BBS9: variants seen among roughly 807,000 people sequenced by gnomAD.
BBS9 encodes the protein protein PTHB1.
A neutral mutation model predicts 117.7 loss-of-function variants in BBS9; 89 were observed. The observed-to-expected ratio is 0.76, with a 90% CI of 0.64 to 0.90. The LOEUF (loss-of-function observed/expected upper bound fraction) is 0.90. Ranked by LOEUF, BBS9 falls within the 40% of genes least tolerant of loss-of-function variation. The pLI is 0.00. For missense variants in BBS9, 982 were observed against 1,042.2 expected, an observed-to-expected ratio of 0.94 and a Z score of 0.80; for synonymous variants, 379 against 370.9, an observed-to-expected ratio of 1.02 and a Z score of -0.25.
chr7:33,282,789 T>TA (rs1236645564), intron 9 of BBS9, among the ~76,000 whole-genome samples: 2 of 152,244 alleles, frequency 1.3e-5, no homozygotes, highest in Middle Eastern at 3.2e-3. Flanking sequence ...TTTTAGTTTC[T>TA]AAAAGACTTC....
At chr7:33,405,205 A>G (rs966073790) in intron 19 of BBS9, among the ~76,000 whole-genome samples, 4 of 152,192 alleles carry the variant, frequency 2.6e-5, no homozygotes, top group Non-Finnish European at 5.9e-5. Context: ...CCACTTGATC[A>G]TGGTGGATAA....
At chr7:33,335,974 G>A (rs553000184) in intron 9 of BBS9, among the ~76,000 whole-genome samples, 6 of 152,224 alleles carry the variant, frequency 3.9e-5, no homozygotes, top group South Asian at 2.1e-4. Flanking sequence ...CATCAACTTC[G>A]TTGGTTTTCT....
At chr7:33,447,900 A>G (rs1358443789) in intron 19 of BBS9, among the ~76,000 whole-genome samples, 2 of 152,196 alleles carry the variant, frequency 1.3e-5, no homozygotes, top group African/African-American at 4.8e-5. Flanking sequence ...ATCTAATTTC[A>G]TTACTAGCAG....
intron 5 of BBS9, among the ~76,000 whole-genome samples, chr7:33,212,280 T>C (rs962062470): frequency 6.6e-6 from 1 of 152,230 alleles, no homozygotes; most frequent in African/African-American, 2.4e-5. Flanking sequence ...TTTGACCATG[T>C]ATTTTCAAAT....
intron 5 of BBS9, among the ~76,000 whole-genome samples, chr7:33,194,106 A>G (rs560813265): frequency 6.6e-6 from 1 of 152,262 alleles, no homozygotes; most frequent in Admixed American, 6.5e-5. Flanking sequence ...TGCAGAAAAA[A>G]TACCAAAATG....
At chr7:33,503,553 A>C (rs1254326052) in intron 19 of BBS9, among the ~76,000 whole-genome samples, 1 of 143,544 alleles carries the variant, frequency 7.0e-6, no homozygotes, top group Non-Finnish European at 1.5e-5. Context: ...TCCTATTACA[A>C]ACTCTTTGAA....
chr7:33,169,145 A>AT (rs199572752), intron 4 of BBS9, among the ~76,000 whole-genome samples: 29,559 of 150,968 alleles, frequency 0.2, 3,062 homozygotes, highest in Non-Finnish European at 0.23. Flanking sequence ...TGAACTCATC[A>AT]TTTTTTATGG....
At chr7:33,616,674 A>G (rs1365210781) in intron 21 of BBS9, among the ~76,000 whole-genome samples, 1 of 151,728 alleles carries the variant, frequency 6.6e-6, no homozygotes, top group Non-Finnish European at 1.5e-5. Flanking sequence ...GTTAATAGTC[A>G]CTTTGGGTTT....
At chr7:33,486,994 A>G (rs1189134829) in intron 19 of BBS9, among the ~76,000 whole-genome samples, 2 of 152,228 alleles carry the variant, frequency 1.3e-5, no homozygotes, top group African/African-American at 2.4e-5. Flanking sequence ...CGTAATTTGT[A>G]TGTGCTGAAC....
chr7:33,472,771 C>A (rs368111239), intron 19 of BBS9, among the ~76,000 whole-genome samples: 1 of 152,186 alleles, frequency 6.6e-6, no homozygotes, highest in Non-Finnish European at 1.5e-5. Flanking sequence ...GCATTACCCC[C>A]ACTCTCTCAA....
chr7:33,137,371 T>C (rs118093187), intron 1 of BBS9, among the ~76,000 whole-genome samples: 1,563 of 152,172 alleles, frequency 0.01, 64 homozygotes, highest in Admixed American at 0.061. Context: ...TGTGATTGGG[T>C]AGCTGCAGAT....
chr7:33,527,217 C>T (rs939183626), intron 20 of BBS9, among the ~76,000 whole-genome samples: 2 of 152,288 alleles, frequency 1.3e-5, no homozygotes, highest in African/African-American at 2.4e-5. Flanking sequence ...CTGTGCCCTG[C>T]CCCCAGAGGT....
chr7:33,324,921 T>C (rs1010960760), intron 9 of BBS9, among the ~76,000 whole-genome samples: 1 of 152,194 alleles, frequency 6.6e-6, no homozygotes, highest in Admixed American at 6.5e-5. Context: ...TATCCTTGCC[T>C]TTTGGAGTTT....
At chr7:33,150,701 G>A (rs1192030330) in intron 2 of BBS9, among the ~76,000 whole-genome samples, 1 of 152,134 alleles carries the variant, frequency 6.6e-6, no homozygotes, top group Non-Finnish European at 1.5e-5. Flanking sequence ...CCCAGACCCA[G>A]GGCTTGTATC....
At chr7:33,143,014 G>A (rs915061483) in intron 1 of BBS9, among the ~76,000 whole-genome samples, 1 of 151,768 alleles carries the variant, frequency 6.6e-6, no homozygotes, top group Non-Finnish European at 1.5e-5. Flanking sequence ...CTGTCGCCCA[G>A]GCAGGAGTGC....
intron 5 of BBS9, among the ~76,000 whole-genome samples, chr7:33,187,854 G>A (rs1382753368): frequency 3.3e-5 from 5 of 151,972 alleles, no homozygotes; most frequent in Non-Finnish European, 4.4e-5. Flanking sequence ...CCCAGGAGGC[G>A]GAGGTTGCAG....
intron 5 of BBS9, among the ~76,000 whole-genome samples, chr7:33,209,965 C>G (rs1787701418): frequency 6.6e-6 from 1 of 152,070 alleles, no homozygotes; most frequent in Non-Finnish European, 1.5e-5. Flanking sequence ...TTTTCTCGCA[C>G]TTTAAGATGC....
chr7:33,402,676 GCTC>G (rs1829108545), intron 19 of BBS9, among the ~76,000 whole-genome samples: 1 of 152,130 alleles, frequency 6.6e-6, no homozygotes, highest in African/African-American at 2.4e-5. Flanking sequence ...CTCAGTGGTT[GCTC>G]CTTTTTATTT....
chr7:33,312,827 A>G (rs1302438996), intron 9 of BBS9, among the ~76,000 whole-genome samples: 1 of 152,194 alleles, frequency 6.6e-6, no homozygotes, highest in Admixed American at 6.6e-5. Context: ...CTTTGAATGT[A>G]CTACATTTAT....
Sources: allele counts gnomAD v4.1 joint callset (sites outside exome capture counted in the v4.1 genomes callset), GRCh38; gene constraint gnomAD v4.1.1; transcripts MANE v1.5; gene names NCBI Gene and HGNC (gene_info 2026-07-23, HGNC 2026-07-21).